The following MSI2 variants were observed in gnomAD, a reference collection of about 807,000 sequenced individuals.
MSI2 encodes RNA-binding protein Musashi homolog 2.
Under a neutral mutation model 45.6 loss-of-function variants are expected in MSI2, and 17 were observed. That is an observed-to-expected ratio of 0.37 (90% CI 0.26 to 0.56). The LOEUF is 0.56. Ranked by LOEUF, MSI2 falls within the 20% of genes least tolerant of loss-of-function variation. The probability of loss-of-function intolerance (pLI) is 0.77; values close to 1 mark genes in which losing one functional copy is unlikely to be tolerated. For synonymous variants in MSI2, 156 were observed against 158.2 expected (o/e 0.99, Z 0.11); for missense variants, 293 against 444.2 (o/e 0.66, Z 3.06).
At chr17:57,444,592 A>G (rs2084861044) in intron 6 of MSI2, 1 of 152,304 alleles carries the variant, frequency 6.6e-6, no homozygotes, top group African/African-American at 2.4e-5. Context: ...AAAGAAAAAA[A>G]AAAAAGAACA....
intron 10 of MSI2, among the ~76,000 whole-genome samples, chr17:57,639,549 C>T (rs902832572): frequency 3.9e-5 from 6 of 152,244 alleles, no homozygotes; most frequent in African/African-American, 9.6e-5. Flanking sequence ...TTTATGCATA[C>T]GGCTGTGCAG....
chr17:57,635,091 C>A (rs1909739455), intron 10 of MSI2, among the ~76,000 whole-genome samples: 1 of 152,206 alleles, frequency 6.6e-6, no homozygotes, highest in Non-Finnish European at 1.5e-5. Context: ...CTAGTAGACA[C>A]TTAGCAATTT....
chr17:57,544,825 T>C (rs968388165), intron 7 of MSI2, among the ~76,000 whole-genome samples: 3 of 152,170 alleles, frequency 2.0e-5, no homozygotes, highest in African/African-American at 4.8e-5. Context: ...ATTTGGCCTC[T>C]ACCCTCCCCC....
chr17:57,259,761 A>G (rs1050586155), intron 4 of MSI2, among the ~76,000 whole-genome samples: 1 of 152,012 alleles, frequency 6.6e-6, no homozygotes, highest in African/African-American at 2.4e-5. Flanking sequence ...GAAATTAAAG[A>G]GGAAAATCTT....
chr17:57,600,745 T>A (rs1434117234), intron 8 of MSI2: 1 of 152,202 alleles, frequency 6.6e-6, no homozygotes, highest in African/African-American at 2.4e-5. Flanking sequence ...GGCAGGAGGA[T>A]GCCCAGAAAG....
At chr17:57,473,848 T>G (rs2085486996) in intron 6 of MSI2, among the ~76,000 whole-genome samples, 1 of 152,234 alleles carries the variant, frequency 6.6e-6, no homozygotes, top group Admixed American at 6.5e-5. Context: ...GGCCAGTGGC[T>G]GGGAACTCAC....
intron 6 of MSI2, among the ~76,000 whole-genome samples, chr17:57,454,455 T>G (rs1016077495): frequency 1.3e-5 from 2 of 149,572 alleles, no homozygotes; most frequent in African/African-American, 4.9e-5. Flanking sequence ...TTTTTTTTTT[T>G]GAGATGGATT....
At chr17:57,257,181 G>T in intron 2 of MSI2, 43 bp downstream of exon 2, 1 of 1,371,018 alleles carries the variant, frequency 7.3e-7, no homozygotes, top group South Asian at 1.2e-5. Context: ...CCCCTTCTTG[G>T]CTTCTTTATT....
chr17:57,285,761 T>C (rs1246991989), intron 5 of MSI2: 4 of 1,182,794 alleles, frequency 3.4e-6, no homozygotes, highest in Non-Finnish European at 4.5e-6. Context: ...TGGAACTCTA[T>C]TTTCTTAGCA....
intron 7 of MSI2, among the ~76,000 whole-genome samples, chr17:57,587,490 A>C (rs1378310067): frequency 6.6e-6 from 1 of 152,112 alleles, no homozygotes; most frequent in Non-Finnish European, 1.5e-5. Context: ...TAGATTGGAA[A>C]TCTGATAGTG....
chr17:57,548,088 T>C (rs1450889477), intron 7 of MSI2, among the ~76,000 whole-genome samples: 1 of 152,190 alleles, frequency 6.6e-6, no homozygotes, highest in African/African-American at 2.4e-5. Context: ...GGACGCTCTT[T>C]AGTACGCATC....
chr17:57,602,841 G>A (rs1906058226), intron 8 of MSI2, among the ~76,000 whole-genome samples: 1 of 152,172 alleles, frequency 6.6e-6, no homozygotes, highest in African/African-American at 2.4e-5. Flanking sequence ...GAGCTGGTTA[G>A]GAATGCAGAG....
chr17:57,572,085 TAGCC>T (rs1300966412), intron 7 of MSI2, among the ~76,000 whole-genome samples: 1 of 152,170 alleles, frequency 6.6e-6, no homozygotes. Flanking sequence ...CAATGGATCG[TAGCC>T]AAGTCAGGAC....
intron 6 of MSI2, among the ~76,000 whole-genome samples, chr17:57,520,392 C>T (rs74852289): frequency 0.031 from 4,717 of 152,164 alleles, 95 homozygotes; most frequent in Non-Finnish European, 0.045. Context: ...AAACATTGTG[C>T]GTTTTTTCTT....
intron 6 of MSI2, among the ~76,000 whole-genome samples, chr17:57,442,333 C>T (rs1470141581): frequency 6.6e-6 from 1 of 152,174 alleles, no homozygotes; most frequent in Non-Finnish European, 1.5e-5. Context: ...CTGCGCCTGG[C>T]CAACACAGCT....
chr17:57,405,732 G>C (rs886729068), intron 6 of MSI2, among the ~76,000 whole-genome samples: 1 of 152,220 alleles, frequency 6.6e-6, no homozygotes, highest in African/African-American at 2.4e-5. Context: ...TCACCAGCTA[G>C]ATGTAATTAA....
At chr17:57,410,543 G>A (rs183869897) in intron 6 of MSI2, among the ~76,000 whole-genome samples, 73 of 151,352 alleles carry the variant, frequency 4.8e-4, no homozygotes, top group Admixed American at 2.8e-3. Flanking sequence ...CCAATGTAGC[G>A]AAAAGTGAGC....
intron 6 of MSI2, among the ~76,000 whole-genome samples, chr17:57,426,395 GT>G (rs2084492980): frequency 6.6e-6 from 1 of 152,156 alleles, no homozygotes; most frequent in Non-Finnish European, 1.5e-5. Context: ...CTTGTTGCCT[GT>G]TTATCTCTTC....
At chr17:57,397,390 C>T (rs2083910067) in intron 5 of MSI2, among the ~76,000 whole-genome samples, 1 of 152,190 alleles carries the variant, frequency 6.6e-6, no homozygotes, top group Non-Finnish European at 1.5e-5. Flanking sequence ...AGGAGTGGGA[C>T]TGGAGTTGAC....
Sources: allele counts gnomAD v4.1 joint callset (sites outside exome capture counted in the v4.1 genomes callset), GRCh38; gene constraint gnomAD v4.1.1; transcripts MANE v1.5; gene names NCBI Gene and HGNC (gene_info 2026-07-23, HGNC 2026-07-21).